Variants in C3AR1 observed in about 807,000 individuals in gnomAD.
C3AR1 encodes C3a anaphylatoxin chemotactic receptor.
For synonymous variants in C3AR1, 208 were observed against 225.3 expected (o/e 0.92, Z 0.69); for missense variants, 579 against 583.5 (o/e 0.99, Z 0.08).
intron 1 of C3AR1, among the ~76,000 whole-genome samples, chr12:8,065,496 C>T (rs1947322067): frequency 6.6e-6 from 1 of 151,384 alleles, no homozygotes; most frequent in South Asian, 2.1e-4. Context: ...ACTAAAAATA[C>T]AAAAAAATTT....
chr12:8,060,092 G>T lies in C3AR1; in HGVS notation c.94C>A (p.Leu32Ile). The T allele has an allele frequency of 6.2e-7, 1 of 1,614,158 alleles. No homozygotes were observed. Among genetic ancestry groups the T allele is most frequent in the African/African-American group, 1.3e-5 (1 of 75,030 alleles). ...PVILSMVILS[L>I]TFLLGLPGNG... ...CCTGGCAATCCCAGTAAAAAAGTAA[G>T]GCTGAGAATGACCATGGAGAGAATT... is the stretch of plus-strand genomic sequence containing the variant. The change falls in exon 2 of 2, where the codon CTT (leucine) becomes ATT (isoleucine). Residue 32 changes from leucine (L) to isoleucine (I), a missense_variant. Coordinates refer to ENST00000307637, the MANE Select transcript of C3AR1 (RefSeq NM_004054.4).
At chr12:8,064,342 C>T (rs1179408963) in intron 1 of C3AR1, among the ~76,000 whole-genome samples, 1 of 152,018 alleles carries the variant, frequency 6.6e-6, no homozygotes, top group Non-Finnish European at 1.5e-5. Flanking sequence ...CCAAATATTG[C>T]CATAGGGCCT....
At chr12:8,065,299 T>C (rs1947320097) in intron 1 of C3AR1, among the ~76,000 whole-genome samples, 1 of 152,166 alleles carries the variant, frequency 6.6e-6, no homozygotes, top group African/African-American at 2.4e-5. Context: ...AGCTATATGT[T>C]AAATATTGTT....
At chr12:8,064,445 C>A (rs920188594) in intron 1 of C3AR1, among the ~76,000 whole-genome samples, 3 of 152,144 alleles carry the variant, frequency 2.0e-5, no homozygotes, top group African/African-American at 7.2e-5. Flanking sequence ...GTTATCCCAG[C>A]ACTTTGGGAA....
Position 8,058,921 on chromosome 12 carries a change from G to A in C3AR1, c.1265C>T (p.Ala422Val). The stretch of plus-strand genomic sequence containing the variant: ...AAAGCAACTATTGGCAGATGCTAGA[G>A]CAATGCATACATGATCCCAGGACAT... ...TLMSWDHVCI[A>V]LASANSCFNP... Residue 422 changes from alanine (A) to valine (V), a missense_variant, in exon 2 of 2, where the codon GCT becomes GTT. Ala to Val is a moderately conservative substitution (Grantham distance 64). Coordinates refer to ENST00000307637, the MANE Select transcript of C3AR1 (RefSeq NM_004054.4). The A allele has an allele frequency of 6.2e-7, 1 of 1,614,074 alleles. No individual in the cohort carries two copies. The highest frequency in any genetic ancestry group is 2.2e-5 in the East Asian group (1 of 44,886).
intron 1 of C3AR1, among the ~76,000 whole-genome samples, chr12:8,061,188 T>G (rs1947269990): frequency 6.6e-6 from 1 of 152,204 alleles, no homozygotes; most frequent in Non-Finnish European, 1.5e-5. Context: ...TATTTGTGTT[T>G]TATGACCGTA....
rs907502587 is a variant in C3AR1, at chr12:8,059,814, T to G, written c.372A>C (p.Val124=). 6.2e-7 allele frequency: 1 copy of G among 1,613,958 alleles called. No homozygotes were observed. The highest frequency in any genetic ancestry group is 1.3e-5 in the African/African-American group (1 of 74,888). Residue 124 remains valine, a synonymous_variant, in exon 2 of 2, where the codon GTA becomes GTC. Coordinates refer to ENST00000307637, the MANE Select transcript of C3AR1 (RefSeq NM_004054.4). ...TAISLDRCLV[V]FKPIWCQNHR... ...GATTCTGACACCAGATTGGCTTGAA[T>G]ACCACAAGACAGCGATCCAGGCTAA...
At chr12:8,061,349 T>C (rs1056687675) in intron 1 of C3AR1, among the ~76,000 whole-genome samples, 1 of 152,184 alleles carries the variant, frequency 6.6e-6, no homozygotes, top group Admixed American at 6.5e-5. Flanking sequence ...TGACCTTTTT[T>C]TATGTGTGTG....
chr12:8,062,297 T>C (rs1455418597), intron 1 of C3AR1, among the ~76,000 whole-genome samples: 1 of 152,224 alleles, frequency 6.6e-6, no homozygotes, highest in Non-Finnish European at 1.5e-5. Context: ...CTCCACATTA[T>C]ACAATATGTA....
chr12:8,060,789 T>A (rs940157762), intron 1 of C3AR1, among the ~76,000 whole-genome samples: 10 of 152,250 alleles, frequency 6.6e-5, no homozygotes, highest in African/African-American at 2.2e-4. Flanking sequence ...ATTTCTCCTC[T>A]TTCTTGTACT....
At chr12:8,060,433 C>A (rs948870690) in intron 1 of C3AR1, among the ~76,000 whole-genome samples, 1 of 152,150 alleles carries the variant, frequency 6.6e-6, no homozygotes, top group African/African-American at 2.4e-5. Flanking sequence ...CTTCCTCTGT[C>A]GCGCAGGCTG....
chr12:8,064,438 A>G (rs1947308851), intron 1 of C3AR1, among the ~76,000 whole-genome samples: 1 of 152,232 alleles, frequency 6.6e-6, no homozygotes, highest in Non-Finnish European at 1.5e-5. Flanking sequence ...CACACCTGTT[A>G]TCCCAGCACT....
At position 8,058,528 on chromosome 12, in the gene C3AR1, C is replaced by T; in HGVS notation, c.*209G>A. 1 of 560,224 alleles carries T rather than the reference C, an allele frequency of 1.8e-6. No individual in the cohort carries two copies. Among genetic ancestry groups the T allele is most frequent in the Non-Finnish European group, 3.1e-6 (1 of 325,828 alleles). 34.7% of individuals were successfully genotyped at this position (560,224 alleles called of 1,614,324 possible). A position where few individuals can be genotyped will look rare whatever the true frequency, so the allele number is the denominator to read the frequency against. On this transcript the variant is annotated 3_prime_UTR_variant, in exon 2 of 2. Coordinates refer to ENST00000307637, the MANE Select transcript of C3AR1 (RefSeq NM_004054.4). ...GTCCCAACCCCCAGAGATTCCGATT[C>T]AGCAAGTCTGGGATGCGGCTTGAGA...
chr12:8,059,860 C>G lies in C3AR1; in HGVS notation c.326G>C (p.Ser109Thr). 6.2e-7 allele frequency: 1 copy of G among 1,614,150 alleles called. No homozygotes were observed. The highest frequency in any genetic ancestry group is 1.7e-5 in the Admixed American group (1 of 60,016). Residue 109 changes from serine (S) to threonine (T), a missense_variant, in exon 2 of 2, where the codon AGT becomes ACT. By Grantham distance (58) the Ser-to-Thr change is moderately conservative (BLOSUM62 1). Transcript: ENST00000307637. ...GCTAATGGCAGTAAGCAGGAAGACA[C>G]TGGCAAACATGTTGAGGACAATGAT... ...PSIIVLNMFA[S>T]VFLLTAISLD...
chr12:8,064,131 C>G (rs1225124727), intron 1 of C3AR1, among the ~76,000 whole-genome samples: 1 of 151,364 alleles, frequency 6.6e-6, no homozygotes, highest in Non-Finnish European at 1.5e-5. Flanking sequence ...TGGGGGTTGA[C>G]TTTTTTTTTC....
At position 8,060,160 on chromosome 12, in the gene C3AR1, T is replaced by C. The variant is rs1319157856; in HGVS notation, c.26A>G (p.Asn9Ser). 1.9e-6 allele frequency: 3 copies of C among 1,612,220 alleles called. No homozygotes were observed. The African/African-American group carries it at 4.0e-5, about 21-fold the overall frequency. MASFSAET[N>S]STDLLSQPWN... The stretch of plus-strand genomic sequence containing the variant: ...TGGCTGTGAGAGTAGGTCAGTTGAA[T>C]TGGTCTCAGCAGAGAAAGACGCCAT... The change falls in exon 2 of 2, where the codon AAT (asparagine) becomes AGT (serine). Residue 9 changes from asparagine to serine, a missense_variant. Coordinates refer to ENST00000307637, the MANE Select transcript of C3AR1 (RefSeq NM_004054.4).
chr12:8,058,579 G>T lies in C3AR1; in HGVS notation c.*158C>A. 1 of 774,090 alleles carries T rather than the reference G, an allele frequency of 1.3e-6. No individual in the cohort carries two copies. Among genetic ancestry groups the T allele is most frequent in the Non-Finnish European group, 2.1e-6 (1 of 486,010 alleles). 48.0% of individuals were successfully genotyped at this position (774,090 alleles called of 1,614,324 possible). On this transcript the variant is annotated 3_prime_UTR_variant, in exon 2 of 2. Coordinates refer to ENST00000307637, the MANE Select transcript of C3AR1 (RefSeq NM_004054.4). ...ATTTGCATTTCTAACAAGTTTCTAG[G>T]TGATGCTGATGTCAATAGTCTGTGT... is the stretch of plus-strand genomic sequence containing the variant.
intron 1 of C3AR1, among the ~76,000 whole-genome samples, chr12:8,064,398 A>G (rs1281425733): frequency 2.0e-5 from 3 of 152,112 alleles, no homozygotes; most frequent in Non-Finnish European, 4.4e-5. Flanking sequence ...AAAATAATAA[A>G]AAAGAAGACA....
In C3AR1 at chr12:8,057,780, C is replaced by T. The variant is rs920667901; in HGVS notation, c.*957G>A. 2.6e-5 allele frequency among the ~76,000 whole-genome samples: 4 copies of T among 152,118 alleles called. No homozygotes were observed. Among genetic ancestry groups the T allele is most frequent in the Non-Finnish European group, 4.4e-5 (3 of 68,014 alleles). On this transcript the variant is annotated 3_prime_UTR_variant, in exon 2 of 2. Coordinates refer to ENST00000307637, the MANE Select transcript of C3AR1 (RefSeq NM_004054.4). The stretch of plus-strand genomic sequence containing the variant: ...GAAGAATTGCTGCTCCATCCTCCAC[C>T]CTCTTTCTCCTTCCACTTGAAATAC...
Sources: gnomAD v4.1 joint callset for allele counts (sites outside exome capture counted in the v4.1 genomes callset) on GRCh38, gnomAD v4.1.1 for gene constraint, MANE v1.5 for transcripts, NCBI Gene and HGNC (gene_info 2026-07-23, HGNC 2026-07-21) for gene names.